NRXN1: variants seen among roughly 807,000 people sequenced by gnomAD.
NRXN1 encodes the protein neurexin-1.
Under a neutral mutation model 150.9 loss-of-function variants are expected in NRXN1, and 39 were observed. The observed-to-expected ratio is 0.26, with a 90% CI of 0.20 to 0.34. The LOEUF is 0.34. Ranked by LOEUF, NRXN1 falls within the 10% of genes least tolerant of loss-of-function variation. NRXN1 has a pLI of 1.00. For synonymous variants in NRXN1, 924 were observed against 757.0 expected (o/e 1.22, Z -3.62); for missense variants, 1,815 against 1,949.9 (o/e 0.93, Z 1.30).
chr2:50,211,712 G>A (rs926672477), intron 18 of NRXN1, among the ~76,000 whole-genome samples: 1 of 151,308 alleles, frequency 6.6e-6, no homozygotes, highest in Non-Finnish European at 1.5e-5. Flanking sequence ...AAAAACAACA[G>A]TATAGTATAT....
At chr2:50,932,392 T>C (rs1258694024) in intron 2 of NRXN1, among the ~76,000 whole-genome samples, 3 of 152,054 alleles carry the variant, frequency 2.0e-5, no homozygotes, top group Non-Finnish European at 4.4e-5. Flanking sequence ...TCCCTATGTA[T>C]TAGGTCAATC....
intron 2 of NRXN1, among the ~76,000 whole-genome samples, chr2:50,926,723 T>G (rs62142987): frequency 6.6e-6 from 1 of 151,848 alleles, no homozygotes; most frequent in Non-Finnish European, 1.5e-5. Context: ...TGAATTTGTT[T>G]GAGACAATGA....
At chr2:50,605,631 G>GA (rs749525399) in intron 8 of NRXN1, among the ~76,000 whole-genome samples, 7 of 152,028 alleles carry the variant, frequency 4.6e-5, no homozygotes, top group East Asian at 1.9e-4. Context: ...AGACAAAAAA[G>GA]AAAAAAACAA....
intron 22 of NRXN1, among the ~76,000 whole-genome samples, chr2:49,924,376 G>C (rs760366207): frequency 2.0e-5 from 3 of 152,038 alleles, no homozygotes; most frequent in Non-Finnish European, 2.9e-5. Flanking sequence ...ATGGAGTGGA[G>C]GGTTTATATT....
chr2:50,025,538 T>C (rs1284422759), intron 21 of NRXN1, among the ~76,000 whole-genome samples: 4 of 152,060 alleles, frequency 2.6e-5, no homozygotes, highest in Non-Finnish European at 4.4e-5. Context: ...GCTAAAGAAA[T>C]TGAGGTGGCA....
intron 21 of NRXN1, among the ~76,000 whole-genome samples, chr2:49,968,489 G>T (rs984319277): frequency 5.9e-5 from 9 of 152,000 alleles, no homozygotes; most frequent in Non-Finnish European, 8.8e-5. Context: ...CAACCCCCTT[G>T]ACTGATTTTG....
chr2:50,246,164 T>C (rs996209752), intron 17 of NRXN1, among the ~76,000 whole-genome samples: 2 of 152,000 alleles, frequency 1.3e-5, no homozygotes, highest in Non-Finnish European at 2.9e-5. Context: ...CAATGCTTTA[T>C]TGTAAACATC....
At chr2:50,608,419 C>T (rs1224254613) in intron 8 of NRXN1, among the ~76,000 whole-genome samples, 1 of 152,098 alleles carries the variant, frequency 6.6e-6, no homozygotes, top group Non-Finnish European at 1.5e-5. Context: ...TTAGGTGATG[C>T]ACATGCTGCT....
At chr2:50,156,162 G>C (rs1377887658) in intron 18 of NRXN1, among the ~76,000 whole-genome samples, 6 of 151,638 alleles carry the variant, frequency 4.0e-5, no homozygotes, top group Non-Finnish European at 8.9e-5. Context: ...AAGGAATAAA[G>C]GTTATTTCTA....
chr2:50,113,593 C>T (rs898115752), intron 18 of NRXN1, among the ~76,000 whole-genome samples: 1 of 152,158 alleles, frequency 6.6e-6, no homozygotes, highest in African/African-American at 2.4e-5. Context: ...ATGACCAACG[C>T]TATTTATACA....
rs1674061203 is a variant in NRXN1 at position 50,848,716 on chromosome 2, A to G, written c.832+73153T>C. ...TATACCCTAAAATGATTAGGAAGAA[A>G]CAGCTAATAGAACAAATACACCAAG... On this transcript the variant is annotated intron_variant, in intron 5 of 22. Transcript: ENST00000401669. Among the ~76,000 whole-genome samples the G allele has an allele frequency of 2.0e-5, 3 of 152,186 alleles. No homozygotes were observed. In the South Asian group the frequency reaches 6.2e-4, roughly 32 times the overall value.
At chr2:50,388,588 C>T (rs2081478261) in intron 17 of NRXN1, among the ~76,000 whole-genome samples, 1 of 152,150 alleles carries the variant, frequency 6.6e-6, no homozygotes, top group African/African-American at 2.4e-5. Flanking sequence ...TTGGCAGTAA[C>T]TCTAAAATTG....
intron 8 of NRXN1, among the ~76,000 whole-genome samples, chr2:50,577,594 T>C (rs1327241837): frequency 6.6e-6 from 1 of 151,996 alleles, no homozygotes; most frequent in African/African-American, 2.4e-5. Context: ...CGTGTAAAAA[T>C]GCCAATAAAG....
chr2:50,816,355 G>A (rs1668933601), intron 5 of NRXN1, among the ~76,000 whole-genome samples: 1 of 152,030 alleles, frequency 6.6e-6, no homozygotes, highest in African/African-American at 2.4e-5. Flanking sequence ...ACAGAATGAA[G>A]CCAGGAGCCT....
At chr2:50,814,579 ACTC>A (rs1335690847) in intron 5 of NRXN1, among the ~76,000 whole-genome samples, 1 of 151,120 alleles carries the variant, frequency 6.6e-6, no homozygotes, top group Non-Finnish European at 1.5e-5. Context: ...AATCTGGAAA[ACTC>A]CTTCATTCTC....
At chr2:50,407,601 A>T (rs2082842455) in intron 17 of NRXN1, among the ~76,000 whole-genome samples, 1 of 152,068 alleles carries the variant, frequency 6.6e-6, no homozygotes, top group Admixed American at 6.6e-5. Flanking sequence ...TGGATGTGTT[A>T]ATCCATCTGT....
At chr2:50,008,015 C>T (rs148298280) in intron 21 of NRXN1, among the ~76,000 whole-genome samples, 105 of 152,226 alleles carry the variant, frequency 6.9e-4, no homozygotes, top group African/African-American at 2.3e-3. Flanking sequence ...GATGCTGAAT[C>T]CAAGAGATTA....
At chr2:49,987,759 GTT>G (rs143744994) in intron 21 of NRXN1, among the ~76,000 whole-genome samples, 61 of 145,392 alleles carry the variant, frequency 4.2e-4, no homozygotes, top group Admixed American at 4.8e-4. Context: ...ATGAAACAAC[GTT>G]TTTTTTTTTT....
At chr2:50,829,476 C>A in intron 5 of NRXN1, 1 of 1,571,700 alleles carries the variant, frequency 6.4e-7, no homozygotes, top group Non-Finnish European at 8.7e-7. Context: ...CAGGAGGGAG[C>A]CTATAATAAT....
Sources: allele counts gnomAD v4.1 joint callset (sites outside exome capture counted in the v4.1 genomes callset), GRCh38; gene constraint gnomAD v4.1.1; transcripts MANE v1.5; gene names NCBI Gene and HGNC (gene_info 2026-07-23, HGNC 2026-07-21).